Variants in SLC6A13 observed in about 807,000 individuals in gnomAD.
SLC6A13 encodes sodium- and chloride-dependent GABA transporter 2.
A neutral mutation model predicts 72.9 loss-of-function variants in SLC6A13; 69 were observed. That is an observed-to-expected ratio of 0.95 (90% CI 0.78 to 1.16). The LOEUF (loss-of-function observed/expected upper bound fraction) is 1.16, where lower values mean the gene tolerates loss of function less well. SLC6A13 is among the 50% of genes most tolerant of loss of function. The probability of loss-of-function intolerance (pLI) is 0.00; values close to 1 mark genes in which losing one functional copy is unlikely to be tolerated. For missense variants in SLC6A13, 735 were observed against 760.5 expected (o/e 0.97, Z 0.39); for synonymous variants, 303 against 303.0 (o/e 1.00, Z 0.00).
intron 8 of SLC6A13, chr12:226,728 A>C (rs537518583): frequency 2.0e-6 from 1 of 494,130 alleles, no homozygotes; most frequent in South Asian, 2.3e-5. Context: ...CCAGGGACGG[A>C]ATAAATCAAG....
intron 4 of SLC6A13, among the ~76,000 whole-genome samples, chr12:241,583 A>G (rs184415864): frequency 6.6e-6 from 1 of 152,374 alleles, no homozygotes; most frequent in East Asian, 1.9e-4. Flanking sequence ...ATAACCACAC[A>G]TAGGAGTCAC....
chr12:239,428 C>T (rs1233080731), intron 4 of SLC6A13, among the ~76,000 whole-genome samples: 2 of 152,152 alleles, frequency 1.3e-5, no homozygotes, highest in African/African-American at 4.8e-5. Flanking sequence ...GAGTTCTTGT[C>T]CCCCAGCTCA....
chr12:235,218 A>C lies in SLC6A13; in HGVS notation c.703T>G (p.Tyr235Asp). 1.9e-6 allele frequency: 3 copies of C among 1,614,224 alleles called. No homozygotes were observed. The highest frequency in any genetic ancestry group is 2.5e-6 in the Non-Finnish European group (3 of 1,180,010). ...KGVKSTGKVV[Y>D]FTATFPYLML... ...AGGTAAGGAAATGTGGCCGTGAAGT[A>C]CACCACCTGGTCATGGGCAAATGAG... The change falls in exon 7 of 15, where the codon TAC (tyrosine) becomes GAC (aspartate). Residue 235 changes from tyrosine to aspartate, a missense_variant. Transcript: ENST00000343164.
At chr12:236,435 T>G (rs7969544) in intron 6 of SLC6A13, among the ~76,000 whole-genome samples, 124,130 of 152,160 alleles carry the variant, frequency 0.82, 51,437 homozygotes, top group Non-Finnish European at 0.9. Flanking sequence ...AAGAACCTAC[T>G]TTGAAATATT....
chr12:226,841 G>A (rs11610539), intron 8 of SLC6A13: 15,347 of 227,808 alleles, frequency 0.067, 710 homozygotes, highest in Non-Finnish European at 0.091. Context: ...CACACCGCAT[G>A]GGACGCCACC....
At chr12:238,363 G>A in intron 4 of SLC6A13, 2 of 1,309,448 alleles carry the variant, frequency 1.5e-6, no homozygotes, top group Non-Finnish European at 2.0e-6. Flanking sequence ...ATAATAAGAG[G>A]GAAGTGATGT....
chr12:247,569 T>C (rs1165511239), intron 2 of SLC6A13, among the ~76,000 whole-genome samples: 1 of 152,120 alleles, frequency 6.6e-6, no homozygotes. Flanking sequence ...CTACCACAAG[T>C]AGAACTGAAC....
In SLC6A13 at chr12:221,033, G is replaced by T. The variant is rs756053882; in HGVS notation, c.1724C>A (p.Pro575His). The change falls in exon 15 of 15, where the codon CCC becomes CAC. Residue 575 changes from proline to histidine, a missense_variant. By Grantham distance (77) the Pro-to-His change is moderately conservative. Coordinates refer to ENST00000343164, the MANE Select transcript of SLC6A13 (RefSeq NM_016615.5). ...RQLMCPAEDL[P>H]QRNPAGPSAP... is the part of the protein sequence containing the mutation. ...CGAGGGTCCTGCTGGGTTCCGCTGGGGCAGGTCCTCGGCTGGGCACATGAG... is the reference window on the plus strand; with the variant it reads ...CGAGGGTCCTGCTGGGTTCCGCTGGTGCAGGTCCTCGGCTGGGCACATGAG... 25 of 1,611,624 alleles carry T rather than the reference G, an allele frequency of 1.6e-5. No homozygotes were observed. The East Asian group carries it at 5.3e-4, about 34-fold the overall frequency.
chr12:230,971 G>A (rs757765601), intron 7 of SLC6A13, among the ~76,000 whole-genome samples: 5 of 152,202 alleles, frequency 3.3e-5, no homozygotes, highest in East Asian at 1.9e-4. Flanking sequence ...AGTTCTAATC[G>A]GTGATTTCAG....
intron 4 of SLC6A13, among the ~76,000 whole-genome samples, chr12:241,981 A>T (rs1228467624): frequency 6.6e-6 from 1 of 152,258 alleles, no homozygotes; most frequent in Non-Finnish European, 1.5e-5. Context: ...ATCGTGCTGC[A>T]AGTGCCTACA....
intron 7 of SLC6A13, 134 bp downstream of exon 7, chr12:234,956 G>A (rs924377142): frequency 6.4e-6 from 6 of 940,766 alleles, no homozygotes; most frequent in Non-Finnish European, 8.2e-6. Flanking sequence ...AGAGAAGGAA[G>A]GGTGCACCTC....
At chr12:256,979 G>C (rs1017061191) in intron 2 of SLC6A13, among the ~76,000 whole-genome samples, 1 of 152,094 alleles carries the variant, frequency 6.6e-6, no homozygotes, top group Non-Finnish European at 1.5e-5. Flanking sequence ...AGGAGGAAAG[G>C]GGTCCAACCA....
chr12:259,041 C>T (rs1305903549), intron 2 of SLC6A13: 7 of 150,492 alleles, frequency 4.7e-5, no homozygotes, highest in African/African-American at 1.5e-4. Context: ...GACCACAGAA[C>T]AGTTTGGTTA....
chr12:261,133 ATTC>A (rs1942913760), intron 1 of SLC6A13, among the ~76,000 whole-genome samples: 1 of 152,216 alleles, frequency 6.6e-6, no homozygotes, highest in East Asian at 1.9e-4. Context: ...AGTTTTAACC[ATTC>A]ACTGTCAGAA....
chr12:242,561 G>C (rs369293479), intron 4 of SLC6A13, 53 bp downstream of exon 4: 2 of 1,560,322 alleles, frequency 1.3e-6, no homozygotes, highest in South Asian at 1.2e-5. Context: ...GCCCAATTCC[G>C]GTTAATGTGG....
intron 2 of SLC6A13, among the ~76,000 whole-genome samples, chr12:251,113 G>A (rs969116687): frequency 5.4e-5 from 8 of 149,512 alleles, no homozygotes; most frequent in African/African-American, 2.0e-4. Context: ...CTGAGATCGC[G>A]CCACTGCACT....
chr12:225,487 T>C (rs1373715355), intron 9 of SLC6A13, among the ~76,000 whole-genome samples: 1 of 152,074 alleles, frequency 6.6e-6, no homozygotes, highest in African/African-American at 2.4e-5. Flanking sequence ...CTGTCTCTAC[T>C]AAAAATACAA....
At position 254,861 on chromosome 12, in the gene SLC6A13, C is replaced by A. The variant is rs968232104; in HGVS notation, c.202+4990G>T. ...TACTTTCCCTTCAAAACCTGCTCCT[C>A]TGGGGCTAGGCACAGTGGCTTATGC... is the stretch of plus-strand genomic sequence containing the variant. On this transcript the variant is annotated intron_variant, in intron 2 of 14. Coordinates refer to ENST00000343164, the MANE Select transcript of SLC6A13 (RefSeq NM_016615.5). This position sits in a 1 kb window ranked among gnomAD's most constrained non-coding sequence, Gnocchi z 4.4. 1.3e-5 allele frequency among the ~76,000 whole-genome samples: 2 copies of A among 152,154 alleles called. No homozygotes were observed. Among genetic ancestry groups the A allele is most frequent in the African/African-American group, 4.8e-5 (2 of 41,446 alleles).
intron 10 of SLC6A13, 126 bp from the exon 11 acceptor site, chr12:224,255 G>A (rs1312617575): frequency 4.2e-6 from 6 of 1,423,298 alleles, no homozygotes; most frequent in Admixed American, 3.7e-5. Context: ...CTGAGCTATT[G>A]TCCTTGCCTG....
Sources: gnomAD v4.1 joint callset for allele counts (sites outside exome capture counted in the v4.1 genomes callset) on GRCh38, gnomAD v4.1.1 for gene constraint, Gnocchi (gnomAD v3.1) non-coding constraint, MANE v1.5 for transcripts, NCBI Gene and HGNC (gene_info 2026-07-23, HGNC 2026-07-21) for gene names.